OS9: variants seen among roughly 807,000 people sequenced by gnomAD.
OS9 encodes OS9 endoplasmic reticulum lectin, also known as protein OS-9.
In OS9, 58 loss-of-function variants were observed where a neutral mutation model predicts 84.7. The ratio of observed to expected loss-of-function variants is 0.68; its 90% CI spans 0.55 to 0.85. OS9 has a LOEUF of 0.85. OS9 is among the 40% of genes least tolerant of loss of function. The probability of loss-of-function intolerance (pLI) is 0.00; values close to 1 mark genes in which losing one functional copy is unlikely to be tolerated. For missense variants in OS9, 760 were observed against 850.9 expected (o/e 0.89, Z 1.33); for synonymous variants, 278 against 320.8 (o/e 0.87, Z 1.43).
intron 5 of OS9, among the ~76,000 whole-genome samples, chr12:57,703,079 G>A (rs1954069248): frequency 6.6e-6 from 1 of 152,120 alleles, no homozygotes; most frequent in Non-Finnish European, 1.5e-5. Flanking sequence ...TTTGGAGACA[G>A]AGTTTCACTC....
Position 57,715,845 on chromosome 12 carries a change from T to A in OS9, c.665T>A (p.Ile222Asn). Residue 222 changes from isoleucine to asparagine, a missense_variant, in exon 6 of 15, where the codon ATT becomes AAT. Coordinates refer to ENST00000315970, the MANE Select transcript of OS9 (RefSeq NM_006812.4). ...TTGTCCTGCTCTTATGTGCTGACCA[T>A]TCGCACTCCTCGGCTCTGCCCCCAC... The part of the protein sequence containing the change: ...EPLSCSYVLT[I>N]RTPRLCPHPL... 6.2e-7 allele frequency: 1 copy of A among 1,613,960 alleles called. No homozygotes were observed. Among genetic ancestry groups the A allele is most frequent in the Non-Finnish European group, 8.5e-7 (1 of 1,179,930 alleles).
At position 57,717,863 on chromosome 12, in the gene OS9, A is replaced by G. The variant is rs761631968; in HGVS notation, c.1046-7A>G. The G allele has an allele frequency of 2.5e-6, 4 of 1,574,904 alleles. No individual in the cohort carries two copies. Among genetic ancestry groups the G allele is most frequent in the Non-Finnish European group, 3.5e-6 (4 of 1,155,928 alleles). Reference sequence around the variant, plus strand: ...ACAGGTTCATGATTATTATTCTTTCATCTCAGATTTTCAGAACAACGTGCA... The same window carrying G: ...ACAGGTTCATGATTATTATTCTTTCGTCTCAGATTTTCAGAACAACGTGCA... On this transcript the variant is annotated splice_polypyrimidine_tract_variant and splice_region_variant and intron_variant, in intron 9 of 14. Transcript: ENST00000315970.
chr12:57,717,851 T>G lies in OS9; in HGVS notation c.1046-19T>G, dbSNP rs760533407. The G allele has an allele frequency of 2.0e-6, 3 of 1,503,614 alleles. No homozygotes were observed. Among genetic ancestry groups the G allele is most frequent in the Admixed American group, 3.8e-5 (2 of 52,248 alleles). 93.1% of individuals were successfully genotyped at this position (1,503,614 alleles called of 1,614,324 possible). On this transcript the variant is annotated intron_variant, in intron 9 of 14. Coordinates refer to ENST00000315970, the MANE Select transcript of OS9 (RefSeq NM_006812.4). ...AAACACAACAGAACAGGTTCATGAT[T>G]ATTATTCTTTCATCTCAGATTTTCA...
rs766026949 is a variant in OS9 at position 57,694,251 on chromosome 12, C to T, written c.90C>T (p.Ser30=). ...CAAGTCTGACCGGCGGTGTCGGGAG[C>T]CTGAACCTGGAGGAGCTGAGTGAGA... ...LPASLTGGVG[S]LNLEELSEMR... Residue 30 remains serine, a synonymous_variant, in exon 1 of 15, where the codon AGC becomes AGT. Coordinates refer to ENST00000315970, the MANE Select transcript of OS9 (RefSeq NM_006812.4). 6.2e-7 allele frequency: 1 copy of T among 1,614,142 alleles called. No homozygotes were observed. The highest frequency in any genetic ancestry group is 1.7e-5 in the Admixed American group (1 of 60,010).
At chr12:57,717,792 C>CAAAAA (rs59663591) in intron 9 of OS9, 78 bp from the exon 10 acceptor site, 40 of 429,008 alleles carry the variant, frequency 9.3e-5, no homozygotes, top group South Asian at 3.4e-4. Context: ...GACTCTGTCT[C>CAAAAA]AAAAAAAAAA....
intron 5 of OS9, among the ~76,000 whole-genome samples, chr12:57,713,811 G>A (rs1402817973): frequency 6.6e-6 from 1 of 151,440 alleles, no homozygotes; most frequent in Admixed American, 6.6e-5. Context: ...CATGGTTCAA[G>A]TGCTGCAAAT....
chr12:57,694,189 T>G lies in OS9; in HGVS notation c.28T>G (p.Leu10Val). ...GGCGGCGGAAACGCTGCTGTCCAGT[T>G]TGTTAGGACTGCTGCTTCTGGGACT... is the stretch of plus-strand genomic sequence containing the variant. MAAETLLSSLLGLLLLGLLL... is the reference protein window; with the variant it reads MAAETLLSSVLGLLLLGLLL... The change falls in exon 1 of 15, where the codon TTG (leucine) becomes GTG (valine). Residue 10 changes from leucine to valine, a missense_variant. Coordinates refer to ENST00000315970, the MANE Select transcript of OS9 (RefSeq NM_006812.4). 1.2e-6 allele frequency: 2 copies of G among 1,614,078 alleles called. No individual in the cohort carries two copies. Among genetic ancestry groups the G allele is most frequent in the Non-Finnish European group, 1.7e-6 (2 of 1,179,996 alleles).
intron 5 of OS9, among the ~76,000 whole-genome samples, chr12:57,711,611 C>T (rs1404660529): frequency 1.3e-5 from 2 of 152,186 alleles, no homozygotes; most frequent in Non-Finnish European, 2.9e-5. Flanking sequence ...TCCCAAAGTG[C>T]TGGGATTATA....
In OS9 at chr12:57,695,777, C is replaced by T; in HGVS notation, c.340-3C>T. ...CCCTGATTGTTTATTTTTTAATTGT[C>T]AGACAAAGGACTGGTGGACATATGA... On this transcript the variant is annotated splice_region_variant and splice_polypyrimidine_tract_variant and intron_variant, in intron 2 of 14. Coordinates refer to ENST00000315970, the MANE Select transcript of OS9 (RefSeq NM_006812.4). 1 of 1,601,330 alleles carries T rather than the reference C, an allele frequency of 6.2e-7. No homozygotes were observed. Among genetic ancestry groups the T allele is most frequent in the Non-Finnish European group, 8.6e-7 (1 of 1,168,380 alleles).
At chr12:57,707,546 G>A (rs1051236179) in intron 5 of OS9, among the ~76,000 whole-genome samples, 1 of 152,062 alleles carries the variant, frequency 6.6e-6, no homozygotes, top group African/African-American at 2.4e-5. Context: ...GGTGCTTTAT[G>A]CTCCACTATG....
At chr12:57,706,444 C>T (rs1954170197) in intron 5 of OS9, among the ~76,000 whole-genome samples, 1 of 151,518 alleles carries the variant, frequency 6.6e-6, no homozygotes, top group African/African-American at 2.4e-5. Context: ...ATTTTCTCTT[C>T]TTGTACTTAC....
intron 5 of OS9, among the ~76,000 whole-genome samples, chr12:57,698,440 A>C (rs1953929503): frequency 6.6e-6 from 1 of 152,236 alleles, no homozygotes; most frequent in Non-Finnish European, 1.5e-5. Context: ...ACTAGGAACA[A>C]AAAGGTGGAT....
chr12:57,716,426 A>G lies in OS9; in HGVS notation c.907A>G (p.Lys303Glu), dbSNP rs1353934186. The G allele has an allele frequency of 3.8e-6, 6 of 1,559,242 alleles. No homozygotes were observed. In the African/African-American group the frequency reaches 4.1e-5, roughly 11 times the overall value. Residue 303 changes from lysine (K) to glutamate (E), a missense_variant, in exon 8 of 15, where the codon AAG becomes GAG. Coordinates refer to ENST00000315970, the MANE Select transcript of OS9 (RefSeq NM_006812.4). ...PQKMAGASPT[K>E]DDSKDSDFWK... ...CTGTACCCTAGGTGCGAGCCCGACC[A>G]AGGATGACAGTAAGGACTCAGATTT...
At position 57,716,199 on chromosome 12, in the gene OS9, AC is replaced by A; in HGVS notation, c.892+8del. The stretch of plus-strand genomic sequence containing the variant: ...GGCACCCCAAAAGATGGCAGGTAGG[AC>A]CTTGTTTCACCTGTTCCGTGAAACT... On this transcript the variant is annotated splice_region_variant and intron_variant, in intron 7 of 14. Coordinates refer to ENST00000315970, the MANE Select transcript of OS9 (RefSeq NM_006812.4). The A allele has an allele frequency of 6.5e-7, 1 of 1,546,754 alleles. No individual in the cohort carries two copies. The highest frequency in any genetic ancestry group is 8.8e-7 in the Non-Finnish European group (1 of 1,131,600).
chr12:57,720,456 G>C lies in OS9; in HGVS notation c.1816G>C (p.Gly606Arg). 6.2e-7 allele frequency: 1 copy of C among 1,614,164 alleles called. No homozygotes were observed. The highest frequency in any genetic ancestry group is 8.5e-7 in the Non-Finnish European group (1 of 1,179,968). ...CCCATGGGCTGAAGGGACTGAAGAG[G>C]GTGCACGTTGGCTGACTGATGAGGA... ...VRPWAEGTEE[G>R]ARWLTDEDTR... is the part of the protein sequence containing the mutation. Residue 606 changes from glycine (G) to arginine (R), a missense_variant, in exon 14 of 15, where the codon GGT (glycine) becomes CGT (arginine). Gly to Arg is a moderately radical substitution (Grantham distance 125). Coordinates refer to ENST00000315970, the MANE Select transcript of OS9 (RefSeq NM_006812.4).
intron 7 of OS9, 40 bp downstream of exon 7, chr12:57,716,233 A>G: frequency 1.0e-6 from 1 of 986,662 alleles, no homozygotes; most frequent in Non-Finnish European, 1.5e-6. Flanking sequence ...ACTCACTTCC[A>G]TTTCTTCCCT....
intron 6 of OS9, 47 bp downstream of exon 6, chr12:57,716,017 G>A: frequency 6.2e-7 from 1 of 1,601,884 alleles, no homozygotes; most frequent in South Asian, 1.1e-5. Flanking sequence ...ACGGGGGCAG[G>A]GGGTGGCAAA....
At position 57,718,282 on chromosome 12, in the gene OS9, A is replaced by T. The variant is rs772124592; in HGVS notation, c.1271A>T (p.Asp424Val). 1 of 1,612,736 alleles carries T rather than the reference A, an allele frequency of 6.2e-7. No individual in the cohort carries two copies. The change falls in exon 11 of 15, where the codon GAT becomes GTT. Residue 424 changes from aspartate to valine, a missense_variant. By Grantham distance (152) the Asp-to-Val change is radical (BLOSUM62 -3). Transcript: ENST00000315970. ...EEEEDEDEDE[D>V]EDEDERQLLG... ...GAGGAGGATGAGGATGAGGATGAGG[A>T]TGAAGATGAGGATGAACGGCAGTTA...
intron 5 of OS9, among the ~76,000 whole-genome samples, chr12:57,707,455 G>C (rs1954203444): frequency 6.6e-6 from 1 of 152,162 alleles, no homozygotes; most frequent in Admixed American, 6.6e-5. Flanking sequence ...GTGGAAGCAG[G>C]AGCAAAAGAG....
Sources: gnomAD v4.1 joint callset for allele counts (sites outside exome capture counted in the v4.1 genomes callset) on GRCh38, gnomAD v4.1.1 for gene constraint, MANE v1.5 for transcripts, NCBI Gene and HGNC (gene_info 2026-07-23, HGNC 2026-07-21) for gene names.